TNKS1BP1: variants seen among roughly 807,000 people sequenced by gnomAD.
TNKS1BP1 encodes 182 kDa tankyrase-1-binding protein.
In TNKS1BP1, 48 loss-of-function variants were observed where a neutral mutation model predicts 141.1. The observed-to-expected ratio is 0.34, with a 90% CI of 0.27 to 0.43. TNKS1BP1 has a LOEUF of 0.43. Among genes scored for constraint, TNKS1BP1 ranks in the 20% least tolerant of loss-of-function variants. The pLI is 1.00. For missense variants in TNKS1BP1, 2,149 were observed against 2,226.0 expected (o/e 0.97, Z 0.70); for synonymous variants, 875 against 898.2 (o/e 0.97, Z 0.46).
In TNKS1BP1 at chr11:57,320,431, C is replaced by T. The variant is rs1463845566; in HGVS notation, c.376G>A (p.Glu126Lys). 3.1e-6 allele frequency: 5 copies of T among 1,608,986 alleles called. No individual in the cohort carries two copies. The highest frequency in any genetic ancestry group is 4.3e-6 in the Non-Finnish European group (5 of 1,176,440). The change falls in exon 3 of 12, where the codon GAG (glutamate) becomes AAG (lysine). Residue 126 changes from glutamate to lysine, a missense_variant. Coordinates refer to ENST00000358252, the MANE Select transcript of TNKS1BP1 (RefSeq NM_033396.3). The part of the protein sequence containing the change: ...ETGKEEAGKE[E>K]PPPLTPPARC... ...GCTGGGGGTGTCAAAGGGGGTGGCT[C>T]CTCTTTCCCAGCCTCCTCTTTCCCA...
Position 57,301,022 on chromosome 11 carries a change from T to A in TNKS1BP1, c.4991A>T (p.Asn1664Ile). The part of the protein sequence containing the change: ...SALKAKLRPR[N>I]RSAEEGELAE... ...CAGCTCTCCCTCCTCAGCTGAGCGA[T>A]TCCGGGGGCGCAGCTTGGCCTGAGA... is the stretch of plus-strand genomic sequence containing the variant. Residue 1664 changes from asparagine (N) to isoleucine (I), a missense_variant, in exon 10 of 12, where the codon AAT becomes ATT. Transcript: ENST00000358252. 1.2e-6 allele frequency: 2 copies of A among 1,612,756 alleles called. No homozygotes were observed. The highest frequency in any genetic ancestry group is 1.7e-5 in the Admixed American group (1 of 59,918).
chr11:57,314,914 C>T (rs573108965), intron 4 of TNKS1BP1, among the ~76,000 whole-genome samples: 1 of 152,304 alleles, frequency 6.6e-6, no homozygotes, highest in East Asian at 1.9e-4. Flanking sequence ...TCCATGCTCA[C>T]TCCCCTCTGC....
At chr11:57,318,667 G>C (rs1012618032) in intron 3 of TNKS1BP1, among the ~76,000 whole-genome samples, 3 of 152,258 alleles carry the variant, frequency 2.0e-5, no homozygotes, top group African/African-American at 7.2e-5. Flanking sequence ...GACAGCCTCT[G>C]TGCAGCTGAT....
At position 57,306,265 on chromosome 11, in the gene TNKS1BP1, G is replaced by A. The variant is rs188785059; in HGVS notation, c.4316+2130C>T. ...TGCACTTCAGGCTGGGAGCCTGGGC[G>A]ATAGACCAAGACTCCGTTTCAAAAA... On this transcript the variant is annotated intron_variant, in intron 6 of 11. Transcript: ENST00000358252. Among the ~76,000 whole-genome samples the A allele has an allele frequency of 5.0e-3, 701 of 139,116 alleles. 8 individuals are homozygous for A. The highest frequency in any genetic ancestry group is 0.019 in the African/African-American group (661 of 34,520). 91.3% of individuals were successfully genotyped at this position (139,116 alleles called of 152,430 possible).
At chr11:57,315,176 C>T (rs926256804) in intron 4 of TNKS1BP1, among the ~76,000 whole-genome samples, 19 of 152,120 alleles carry the variant, frequency 1.2e-4, no homozygotes, top group Admixed American at 5.2e-4. Context: ...TAGACCTCAT[C>T]CTTACCAGTG....
intron 5 of TNKS1BP1, chr11:57,311,268 G>A: frequency 1.0e-6 from 1 of 986,086 alleles, no homozygotes; most frequent in South Asian, 4.7e-5. Context: ...TGGGCTCAGG[G>A]CTTCGGAGCC....
chr11:57,312,031 A>G (rs1207308604), intron 5 of TNKS1BP1, among the ~76,000 whole-genome samples: 1 of 152,216 alleles, frequency 6.6e-6, no homozygotes, highest in African/African-American at 2.4e-5. Context: ...CAGATGTGGA[A>G]ACTGAGGCAG....
intron 4 of TNKS1BP1, among the ~76,000 whole-genome samples, chr11:57,314,142 G>A (rs143650297): frequency 3.1e-3 from 470 of 152,234 alleles, no homozygotes; most frequent in African/African-American, 0.011. Context: ...AATTCCTTTC[G>A]TCTCAGGTGG....
rs1855735446 is a variant in TNKS1BP1, at chr11:57,312,884, G to T, written c.1804C>A (p.Pro602Thr). Reference protein sequence around the residue: ...SQEPLAGQESPLPLATREAAL... With the variant: ...SQEPLAGQESTLPLATREAAL... ...GCCTCCCTGGTAGCCAGGGGGAGAGGGGACTCCTGTCCAGCCAAGGGCTCC... is the reference window on the plus strand; with the variant it reads ...GCCTCCCTGGTAGCCAGGGGGAGAGTGGACTCCTGTCCAGCCAAGGGCTCC... The change falls in exon 5 of 12, where the codon CCT (proline) becomes ACT (threonine). Residue 602 changes from proline to threonine, a missense_variant. Transcript: ENST00000358252. 1.2e-6 allele frequency: 2 copies of T among 1,608,020 alleles called. No individual in the cohort carries two copies. Among genetic ancestry groups the T allele is most frequent in the African/African-American group, 1.3e-5 (1 of 74,856 alleles).
At chr11:57,314,778 G>T (rs1045366371) in intron 4 of TNKS1BP1, among the ~76,000 whole-genome samples, 1 of 152,066 alleles carries the variant, frequency 6.6e-6, no homozygotes, top group East Asian at 1.9e-4. Context: ...TCTGACCTTT[G>T]CCCTCTGCAG....
In TNKS1BP1 at chr11:57,309,053, T is replaced by A; in HGVS notation, c.3658A>T (p.Ile1220Phe). Residue 1220 changes from isoleucine to phenylalanine, a missense_variant, in exon 6 of 12, where the codon ATC (isoleucine) becomes TTC (phenylalanine). Transcript: ENST00000358252. The surrounding 1 kb of genome is among the most constrained non-coding windows in gnomAD (Gnocchi z 4.3). The stretch of plus-strand genomic sequence containing the variant: ...GTCCAGTCCTTCTCCCCAACTCCGA[T>A]TCCCCCCGGCTCTTCAGACCCTCCA... ...ESGGSEEPGG[I>F]GVGEKDWTSD... is the part of the protein sequence containing the mutation. The A allele has an allele frequency of 1.2e-6, 2 of 1,614,132 alleles. No homozygotes were observed. Among genetic ancestry groups the A allele is most frequent in the South Asian group, 2.2e-5 (2 of 91,072 alleles).
intron 3 of TNKS1BP1, among the ~76,000 whole-genome samples, chr11:57,318,967 AC>A (rs1171893152): frequency 6.6e-6 from 1 of 151,966 alleles, no homozygotes; most frequent in Non-Finnish European, 1.5e-5. Context: ...ACACAGTGAA[AC>A]CCCATCTCTA....
rs1372037640 is a variant in TNKS1BP1 at position 57,309,713 on chromosome 11, T to A, written c.2998A>T (p.Lys1000Ter). Residue 1000 changes from lysine to a stop codon, truncating the protein, a stop_gained, in exon 6 of 12, where the codon AAG becomes TAG. Coordinates refer to ENST00000358252, the MANE Select transcript of TNKS1BP1 (RefSeq NM_033396.3). LOFTEE classifies it high-confidence loss of function. This position sits in a 1 kb window ranked among gnomAD's most constrained non-coding sequence, Gnocchi z 4.3. ...CTGTCTTCCACACTTGGAATCTTCTTCTCAAATTCCTCATCCTGTTGCTGG... is the reference window on the plus strand; with the variant it reads ...CTGTCTTCCACACTTGGAATCTTCTACTCAAATTCCTCATCCTGTTGCTGG... ...EAQQQDEEFE[K>*]KIPSVEDSLG... 6.2e-7 allele frequency: 1 copy of A among 1,614,168 alleles called. No homozygotes were observed.
chr11:57,300,653 C>G, intron 10 of TNKS1BP1, 53 bp from the exon 11 acceptor site: 1 of 1,609,858 alleles, frequency 6.2e-7, no homozygotes, highest in African/African-American at 1.3e-5. Flanking sequence ...AAACTGAACA[C>G]AACAAGGAGA....
Position 57,320,584 on chromosome 11 carries a change from A to G in TNKS1BP1, c.223T>C (p.Leu75=). ...ATGTTCATCTTCCTGGCAGAAGGCA[A>G]CTCAGCCAGGGGACCCCGGGGAGGC... ...PRPPRGPLAE[L]PSARKMNMLA... is the part of the protein sequence containing the mutation. The change falls in exon 3 of 12, where the codon TTG becomes CTG. Residue 75 remains leucine (L), a synonymous_variant. Coordinates refer to ENST00000358252, the MANE Select transcript of TNKS1BP1 (RefSeq NM_033396.3). 6.2e-7 allele frequency: 1 copy of G among 1,613,986 alleles called. No homozygotes were observed. The highest frequency in any genetic ancestry group is 8.5e-7 in the Non-Finnish European group (1 of 1,179,980).
Position 57,301,025 on chromosome 11 carries a change from C to T in TNKS1BP1, c.4988G>A (p.Arg1663Gln), listed in dbSNP as rs369411354. The change falls in exon 10 of 12, where the codon CGG (arginine) becomes CAG (glutamine). Residue 1663 changes from arginine to glutamine, a missense_variant. By Grantham distance (43) the Arg-to-Gln change is conservative. Coordinates refer to ENST00000358252, the MANE Select transcript of TNKS1BP1 (RefSeq NM_033396.3). Reference sequence around the variant, plus strand: ...CTCTCCCTCCTCAGCTGAGCGATTCCGGGGGCGCAGCTTGGCCTGAGAAGC... The same window carrying T: ...CTCTCCCTCCTCAGCTGAGCGATTCTGGGGGCGCAGCTTGGCCTGAGAAGC... ...PSALKAKLRP[R>Q]NRSAEEGELA... The T allele has an allele frequency of 1.3e-5, 21 of 1,612,126 alleles. No homozygotes were observed. The highest frequency in any genetic ancestry group is 1.8e-5 in the Non-Finnish European group (21 of 1,178,970).
chr11:57,311,401 G>A (rs1855708508), intron 5 of TNKS1BP1: 1 of 985,578 alleles, frequency 1.0e-6, no homozygotes, highest in Non-Finnish European at 1.2e-6. Flanking sequence ...GCTGCTGGGT[G>A]CGGCCAGCCG....
At chr11:57,300,485 G>T in intron 11 of TNKS1BP1, 43 bp downstream of exon 11, 2 of 1,593,122 alleles carry the variant, frequency 1.3e-6, no homozygotes, top group Non-Finnish European at 1.7e-6. Context: ...CTCCAGGGCA[G>T]GCCCTCCTCA....
In TNKS1BP1 at chr11:57,324,893, G is replaced by C; in HGVS notation, c.-119C>G. The C allele has an allele frequency of 2.0e-6, 2 of 977,424 alleles. No individual in the cohort carries two copies. The highest frequency in any genetic ancestry group is 4.5e-5 in the South Asian group (1 of 21,990). The allele number at this position is 977,424 out of a possible 1,614,324, so 60.5% of individuals were successfully genotyped here. On this transcript the variant is annotated 5_prime_UTR_variant, in exon 1 of 12. Coordinates refer to ENST00000358252, the MANE Select transcript of TNKS1BP1 (RefSeq NM_033396.3). ...GCTCGGGGCCCCGATGCCAGTCCCC[G>C]CCGCCGCCGCCGCTGCTACCGCCGC...
Sources: allele counts gnomAD v4.1 joint callset (sites outside exome capture counted in the v4.1 genomes callset), GRCh38; gene constraint gnomAD v4.1.1; non-coding constraint Gnocchi (gnomAD v3.1); transcripts MANE v1.5; gene names NCBI Gene and HGNC (gene_info 2026-07-23, HGNC 2026-07-21).